Variants in TNFRSF10A observed in about 807,000 individuals in gnomAD.
TNFRSF10A encodes the protein TNF receptor superfamily member 10a.
Under a neutral mutation model 42.8 loss-of-function variants are expected in TNFRSF10A, and 44 were observed. The observed-to-expected ratio is 1.03, with a 90% CI of 0.81 to 1.32. The LOEUF is 1.32. TNFRSF10A is among the 40% of genes most tolerant of loss of function. The probability of loss-of-function intolerance (pLI) is 0.00; values close to 1 mark genes in which losing one functional copy is unlikely to be tolerated. For synonymous variants in TNFRSF10A, 259 were observed against 234.2 expected (o/e 1.11, Z -0.97); for missense variants, 680 against 602.0 (o/e 1.13, Z -1.36).
chr8:23,223,685 G>C (rs947064192), intron 1 of TNFRSF10A, among the ~76,000 whole-genome samples: 1 of 152,110 alleles, frequency 6.6e-6, no homozygotes, highest in South Asian at 2.1e-4. Flanking sequence ...TATCCTTCAG[G>C]TACTTAGCTT....
At position 23,224,880 on chromosome 8, in the gene TNFRSF10A, T is replaced by A. The variant is rs753509370; in HGVS notation, c.182A>T (p.Gln61Leu). The change falls in exon 1 of 10, where the codon CAG becomes CTG. Residue 61 changes from glutamine to leucine, a missense_variant. By Grantham distance (113) the Gln-to-Leu change is moderately radical. Coordinates refer to ENST00000221132, the MANE Select transcript of TNFRSF10A (RefSeq NM_003844.4). Reference sequence around the variant, plus strand: ...CCGGGCCCGGGCACTGGGTCCGTGCTGTCCCATGGAGGTAGGGAGCGCTCC... The same window carrying A: ...CCGGGCCCGGGCACTGGGTCCGTGCAGTCCCATGGAGGTAGGGAGCGCTCC... ...GRGALPTSMG[Q>L]HGPSARARAG... The A allele has an allele frequency of 6.3e-7, 1 of 1,584,536 alleles. No individual in the cohort carries two copies. The highest frequency in any genetic ancestry group is 8.6e-7 in the Non-Finnish European group (1 of 1,165,476).
intron 2 of TNFRSF10A, among the ~76,000 whole-genome samples, chr8:23,209,216 A>C (rs1585284775): frequency 6.6e-6 from 1 of 152,248 alleles, no homozygotes; most frequent in Non-Finnish European, 1.5e-5. Flanking sequence ...TAGATTTCAG[A>C]AGATGTATGA....
chr8:23,201,470 T>C (rs1172623224), intron 4 of TNFRSF10A, among the ~76,000 whole-genome samples: 1 of 152,228 alleles, frequency 6.6e-6, no homozygotes, highest in African/African-American at 2.4e-5. Flanking sequence ...ATTATTTTCT[T>C]ATGATTTCAA....
At position 23,191,656 on chromosome 8, in the gene TNFRSF10A, C is replaced by G; in HGVS notation, c.*38G>C. On this transcript the variant is annotated 3_prime_UTR_variant, in exon 10 of 10. Coordinates refer to ENST00000221132, the MANE Select transcript of TNFRSF10A (RefSeq NM_003844.4). ...AAAAAAACCTAATATGTATTAACTC[C>G]TAACACCTAAGAGGAAACCTCTGGT... 3 of 1,573,128 alleles carry G rather than the reference C, an allele frequency of 1.9e-6. No individual in the cohort carries two copies. The highest frequency in any genetic ancestry group is 2.6e-6 in the Non-Finnish European group (3 of 1,164,242).
chr8:23,207,462 C>T, intron 2 of TNFRSF10A: 4 of 417,886 alleles, frequency 9.6e-6, no homozygotes, highest in South Asian at 7.9e-5. Context: ...TGAATGATAC[C>T]AACCATTTCA....
chr8:23,216,142 T>C (rs1801176806), intron 1 of TNFRSF10A, among the ~76,000 whole-genome samples: 1 of 152,180 alleles, frequency 6.6e-6, no homozygotes, highest in Non-Finnish European at 1.5e-5. Context: ...ATTAATTTTG[T>C]TGATCATTTC....
At chr8:23,216,481 C>T (rs535678381) in intron 1 of TNFRSF10A, among the ~76,000 whole-genome samples, 23 of 152,250 alleles carry the variant, frequency 1.5e-4, no homozygotes, top group African/African-American at 5.1e-4. Flanking sequence ...CGGTGGCTCA[C>T]GCCTGTAATC....
intron 1 of TNFRSF10A, among the ~76,000 whole-genome samples, chr8:23,213,303 A>C (rs1801115695): frequency 6.6e-6 from 1 of 151,918 alleles, no homozygotes; most frequent in African/African-American, 2.4e-5. Context: ...CCATCTAAGT[A>C]AAGGTTTGTA....
intron 1 of TNFRSF10A, among the ~76,000 whole-genome samples, chr8:23,220,228 T>G (rs1801239061): frequency 6.6e-6 from 1 of 152,194 alleles, no homozygotes; most frequent in Non-Finnish European, 1.5e-5. Flanking sequence ...TTCCTCCTCC[T>G]AAATCTCATT....
At position 23,202,690 on chromosome 8, in the gene TNFRSF10A, T is replaced by C. The variant is rs370841687; in HGVS notation, c.475A>G (p.Asn159Asp). The C allele has an allele frequency of 1.1e-4, 173 of 1,613,902 alleles. No homozygotes were observed. Among genetic ancestry groups the C allele is most frequent in the Non-Finnish European group, 1.3e-4 (159 of 1,179,978 alleles). Residue 159 changes from asparagine to aspartate, a missense_variant, in exon 3 of 10, where the codon AAC becomes GAC. By Grantham distance (23) the Asn-to-Asp change is conservative. Transcript: ENST00000221132. ...CATGGGAGGCAAGCAAACAAATTGTTGGAAGCATTGGTGTAACCCACACCC... is the reference window on the plus strand; with the variant it reads ...CATGGGAGGCAAGCAAACAAATTGTCGGAAGCATTGGTGTAACCCACACCC... ...TEGVGYTNAS[N>D]NLFACLPCTA... is the part of the protein sequence containing the mutation.
chr8:23,219,228 G>A (rs577570608), intron 1 of TNFRSF10A, among the ~76,000 whole-genome samples: 48 of 152,128 alleles, frequency 3.2e-4, no homozygotes, highest in African/African-American at 1.1e-3. Context: ...ACCACCAGGC[G>A]CAGACATTCT....
chr8:23,214,880 C>A (rs981100719), intron 1 of TNFRSF10A, among the ~76,000 whole-genome samples: 2 of 152,112 alleles, frequency 1.3e-5, no homozygotes, highest in Admixed American at 1.3e-4. Context: ...TGCCAATGTC[C>A]CATGAAATAC....
At chr8:23,203,004 A>G (rs111809843) in intron 2 of TNFRSF10A, among the ~76,000 whole-genome samples, 4 of 152,222 alleles carry the variant, frequency 2.6e-5, no homozygotes, top group African/African-American at 9.6e-5. Flanking sequence ...AAAATAGTAA[A>G]AAGAGAATGA....
At position 23,199,329 on chromosome 8, in the gene TNFRSF10A, G is replaced by T. The variant is rs757770093; in HGVS notation, c.951C>A (p.Ser317Arg). 6.2e-7 allele frequency: 1 copy of T among 1,614,200 alleles called. No homozygotes were observed. The highest frequency in any genetic ancestry group is 8.5e-7 in the Non-Finnish European group (1 of 1,180,022). Reference sequence around the variant, plus strand: ...CACCTGTCAAATCTGCCGGCTCCTGGCTTTCCATTTGCTGCTCAGAGACGA... The same window carrying T: ...CACCTGTCAAATCTGCCGGCTCCTGTCTTTCCATTTGCTGCTCAGAGACGA... ...STFVSEQQMESQEPADLTGVT... is the reference protein window; with the variant it reads ...STFVSEQQMERQEPADLTGVT... The change falls in exon 8 of 10, where the codon AGC (serine) becomes AGA (arginine). Residue 317 changes from serine (S) to arginine (R), a missense_variant. By Grantham distance (110) the Ser-to-Arg change is moderately radical. Coordinates refer to ENST00000221132, the MANE Select transcript of TNFRSF10A (RefSeq NM_003844.4).
At chr8:23,213,046 A>G (rs185267454) in intron 1 of TNFRSF10A, among the ~76,000 whole-genome samples, 22 of 152,274 alleles carry the variant, frequency 1.4e-4, no homozygotes, top group Middle Eastern at 6.8e-3. Context: ...TTTGCTGGGA[A>G]GTTTTGGATT....
intron 2 of TNFRSF10A, among the ~76,000 whole-genome samples, chr8:23,206,148 TG>T (rs777101417): frequency 5.3e-5 from 8 of 152,224 alleles, no homozygotes; most frequent in African/African-American, 1.2e-4. Flanking sequence ...GTACAGTTTT[TG>T]TTTTTTAAGC....
intron 2 of TNFRSF10A, among the ~76,000 whole-genome samples, chr8:23,205,872 A>G (rs1652262799): frequency 6.6e-6 from 1 of 152,030 alleles, no homozygotes; most frequent in African/African-American, 2.4e-5. Context: ...GCCTGCCACC[A>G]TGCCCAGCTA....
chr8:23,209,263 G>A (rs926852679), intron 2 of TNFRSF10A, among the ~76,000 whole-genome samples: 3 of 152,222 alleles, frequency 2.0e-5, no homozygotes, highest in African/African-American at 7.2e-5. Context: ...TTGCTGTAGG[G>A]GCAGGGCCCT....
intron 1 of TNFRSF10A, 121 bp downstream of exon 1, chr8:23,224,635 C>T: frequency 7.6e-7 from 1 of 1,317,778 alleles, no homozygotes; most frequent in Non-Finnish European, 1.0e-6. Flanking sequence ...GCTCCTCCTG[C>T]CCGGACATGC....
Sources: allele counts gnomAD v4.1 joint callset (sites outside exome capture counted in the v4.1 genomes callset), GRCh38; gene constraint gnomAD v4.1.1; transcripts MANE v1.5; gene names NCBI Gene and HGNC (gene_info 2026-07-23, HGNC 2026-07-21).